WASHC2A: variants seen among roughly 807,000 people sequenced by gnomAD.
The protein encoded by WASHC2A is WASH complex subunit 2A, also known as WASH complex subunit FAM21A.
WASHC2A carries 82 observed loss-of-function variants against 140.3 expected under a neutral mutation model. The ratio of observed to expected loss-of-function variants is 0.58; its 90% CI spans 0.49 to 0.70. WASHC2A has a LOEUF of 0.70. Ranked by LOEUF, WASHC2A falls within the 30% of genes least tolerant of loss-of-function variation. The pLI, the probability that WASHC2A is intolerant of heterozygous loss-of-function variation, is 0.00. For synonymous variants in WASHC2A, 340 were observed against 560.8 expected (o/e 0.61, Z 5.56); for missense variants, 985 against 1,521.8 (o/e 0.65, Z 5.87).
intron 8 of WASHC2A, among the ~76,000 whole-genome samples, chr10:50,088,413 T>A (rs1441855205): frequency 1.3e-5 from 2 of 149,174 alleles, no homozygotes; most frequent in East Asian, 4.0e-4. Flanking sequence ...ACTATGGGTG[T>A]GTGGCACCAT....
intron 8 of WASHC2A, among the ~76,000 whole-genome samples, chr10:50,090,516 A>AAATATATATATATTTT (rs1589189609): frequency 2.4e-5 from 1 of 42,306 alleles, no homozygotes; most frequent in South Asian, 7.9e-4. Context: ...AAAAAAAAAA[A>AAATATATATATATTTT]TATATATATA....
intron 21 of WASHC2A, among the ~76,000 whole-genome samples, chr10:50,117,176 AACAG>A (rs1337803083): frequency 4.4e-5 from 2 of 45,118 alleles, no homozygotes; most frequent in Non-Finnish European, 8.5e-5. Flanking sequence ...CTTTCAGATG[AACAG>A]ACAAACAGAT....
intron 23 of WASHC2A, 100 bp downstream of exon 23, chr10:50,119,869 C>T: frequency 1.3e-6 from 1 of 747,634 alleles, no homozygotes; most frequent in South Asian, 1.9e-5. Flanking sequence ...GGAATCTTAA[C>T]CTTCAATGTA....
chr10:50,077,108 C>T (rs1280895225), intron 3 of WASHC2A, among the ~76,000 whole-genome samples: 12 of 75,682 alleles, frequency 1.6e-4, no homozygotes, highest in Non-Finnish European at 3.7e-4. Context: ...CAGAGTGAGA[C>T]TCCATCTCAA....
chr10:50,076,816 T>TA (rs547485067), intron 3 of WASHC2A, among the ~76,000 whole-genome samples: 28,643 of 116,538 alleles, frequency 0.25, 3,623 homozygotes, highest in East Asian at 0.62. Flanking sequence ...CCATCTCTAC[T>TA]AAAAAAAAAA....
chr10:50,106,500 A>G, intron 19 of WASHC2A, 35 bp downstream of exon 19: 1 of 1,607,532 alleles, frequency 6.2e-7, no homozygotes, highest in Non-Finnish European at 8.5e-7. Context: ...AGAGGGGATT[A>G]TTTCATGGGA....
In WASHC2A at chr10:50,129,833, A is replaced by T. The variant is rs1349282269; in HGVS notation, c.3502A>T (p.Lys1168Ter). ...CAACCCACCAGTGGGTGGTAAAGCA[A>T]AGAGCCCCATGTTTCCTGCTCTAGG... ...PANPPVGGKA[K>*]SPMFPALGEA... Residue 1168 changes from lysine to a stop codon, truncating the protein, a stop_gained, in exon 29 of 31, where the codon AAG becomes TAG. Coordinates refer to ENST00000282633, the MANE Select transcript of WASHC2A (RefSeq NM_001005751.3). LOFTEE classifies it high-confidence loss of function. 2 of 1,611,934 alleles carry T rather than the reference A, an allele frequency of 1.2e-6. No homozygotes were observed. The highest frequency in any genetic ancestry group is 4.5e-5 in the East Asian group (2 of 44,894).
intron 13 of WASHC2A, 86 bp downstream of exon 13, chr10:50,094,003 A>C: frequency 1.2e-6 from 2 of 1,605,094 alleles, no homozygotes; most frequent in Non-Finnish European, 1.7e-6. Flanking sequence ...GGTTGTTCCC[A>C]AGCCTTGTTT....
intron 4 of WASHC2A, among the ~76,000 whole-genome samples, chr10:50,080,091 A>G (rs1260615964): frequency 6.6e-6 from 1 of 152,108 alleles, no homozygotes; most frequent in African/African-American, 2.4e-5. Flanking sequence ...TCACAATGGC[A>G]CACTTGTGTC....
chr10:50,068,207 T>C lies in WASHC2A; in HGVS notation c.106T>C (p.Ser36Pro), dbSNP rs1554874862. The C allele has an allele frequency of 1.6e-5, 25 of 1,587,914 alleles. No homozygotes were observed. Among genetic ancestry groups the C allele is most frequent in the Non-Finnish European group, 2.0e-5 (23 of 1,167,382 alleles). Residue 36 changes from serine to proline, a missense_variant, in exon 2 of 31, where the codon TCG (serine) becomes CCG (proline). Physicochemically the swap from Ser to Pro is moderately conservative, Grantham distance 74. Coordinates refer to ENST00000282633, the MANE Select transcript of WASHC2A (RefSeq NM_001005751.3). ...GATCCGCAGGAGCAGCCAGAGCTGG[T>C]CGCTGGCGGCCGACGCGGGCGTGAG... ...EEIRRSSQSWSLAADAGLLQF... is the reference protein window; with the variant it reads ...EEIRRSSQSWPLAADAGLLQF...
At chr10:50,088,427 C>T (rs1415541652) in intron 8 of WASHC2A, among the ~76,000 whole-genome samples, 5 of 149,838 alleles carry the variant, frequency 3.3e-5, no homozygotes, top group African/African-American at 4.9e-5. Flanking sequence ...GCACCATGCC[C>T]GGCTAATTTT....
chr10:50,069,145 A>G (rs879954764), intron 2 of WASHC2A, among the ~76,000 whole-genome samples: 5 of 152,030 alleles, frequency 3.3e-5, no homozygotes, highest in African/African-American at 1.2e-4. Context: ...CCAGCATTCC[A>G]GCCGGGCACA....
rs1210204220 is a variant in WASHC2A, at chr10:50,088,958, CTTTTTTTTT to C, written c.732+1652_732+1660del. 2.4e-4 allele frequency among the ~76,000 whole-genome samples: 10 copies of C among 41,386 alleles called. No individual in the cohort carries two copies. In the Admixed American group the frequency reaches 3.8e-3, roughly 16 times the overall value. The allele number at this position is 41,386 out of a possible 152,430, so 27.2% of individuals were successfully genotyped here. A position where few individuals can be genotyped will look rare whatever the true frequency, so the allele number is the denominator to read the frequency against. Reference sequence around the variant, plus strand: ...TGTAAATGCAAACAGTTTTTCTTTCCTTTTTTTTTTTTTTTTTTTTTTTTGAGACAGAGT... The same window carrying C: ...TGTAAATGCAAACAGTTTTTCTTTCCTTTTTTTTTTTTTTTGAGACAGAGT... On this transcript the variant is annotated intron_variant, in intron 8 of 30. Transcript: ENST00000282633.
chr10:50,100,451 CA>C (rs1266849938), intron 17 of WASHC2A, among the ~76,000 whole-genome samples: 1 of 152,172 alleles, frequency 6.6e-6, no homozygotes, highest in Admixed American at 6.5e-5. Context: ...CATTGCACTC[CA>C]GTCTGGGCGA....
chr10:50,081,639 CTTT>C (rs576698406), intron 5 of WASHC2A, among the ~76,000 whole-genome samples: 1 of 139,874 alleles, frequency 7.1e-6, no homozygotes, highest in Admixed American at 7.2e-5. Context: ...GAACCAAACC[CTTT>C]TTTTTTTTTG....
chr10:50,101,349 G>A lies in WASHC2A; in HGVS notation c.1635+1285G>A, dbSNP rs1293309683. ...AATCCAGCTTGCTTCCTCACTCTTC[G>A]ATTTCTCTGTGAGGCCTCCCTGATG... On this transcript the variant is annotated intron_variant, in intron 17 of 30. Transcript: ENST00000282633. 4.3e-4 allele frequency among the ~76,000 whole-genome samples: 65 copies of A among 152,254 alleles called. No individual in the cohort carries two copies. The East Asian group carries it at 9.5e-3, about 22-fold the overall frequency.
intron 4 of WASHC2A, among the ~76,000 whole-genome samples, chr10:50,079,418 A>G (rs1838689916): frequency 6.6e-6 from 1 of 152,180 alleles, no homozygotes; most frequent in African/African-American, 2.4e-5. Context: ...TTATTTTGAG[A>G]TGGAGTCTCA....
At chr10:50,089,145 A>G (rs1335818210) in intron 8 of WASHC2A, among the ~76,000 whole-genome samples, 19 of 146,780 alleles carry the variant, frequency 1.3e-4, no homozygotes, top group African/African-American at 4.5e-4. Context: ...TTGTATTTTT[A>G]GTGGAGATGG....
chr10:50,092,410 C>T (rs1410339365), intron 11 of WASHC2A, among the ~76,000 whole-genome samples, 177 bp downstream of exon 11: 12 of 152,302 alleles, frequency 7.9e-5, no homozygotes, highest in Non-Finnish European at 1.5e-4. Flanking sequence ...GTAATCCCAG[C>T]GCTTTGGGAG....
Sources: allele counts gnomAD v4.1 joint callset (sites outside exome capture counted in the v4.1 genomes callset), GRCh38; gene constraint gnomAD v4.1.1; transcripts MANE v1.5; gene names NCBI Gene and HGNC (gene_info 2026-07-23, HGNC 2026-07-21).